The following DCC variants were observed in gnomAD, a reference collection of about 807,000 sequenced individuals.
DCC encodes netrin receptor DCC.
In DCC, 58 loss-of-function variants were observed where a neutral mutation model predicts 172.5. The ratio of observed to expected loss-of-function variants is 0.34; its 90% CI spans 0.27 to 0.42. The LOEUF is 0.42. Among genes scored for constraint, DCC ranks in the 10% least tolerant of loss-of-function variants. The pLI is 1.00. For synonymous variants in DCC, 709 were observed against 644.5 expected, an observed-to-expected ratio of 1.10 and a Z score of -1.52; for missense variants, 1,740 against 1,791.0, an observed-to-expected ratio of 0.97 and a Z score of 0.51.
intron 1 of DCC, among the ~76,000 whole-genome samples, chr18:52,694,586 C>T (rs1167139069): frequency 6.6e-6 from 1 of 150,730 alleles, no homozygotes; most frequent in Non-Finnish European, 1.5e-5. Context: ...CTTCTTTTTA[C>T]ATATACTTCT....
At chr18:52,907,851 G>C (rs1028792081) in intron 3 of DCC, among the ~76,000 whole-genome samples, 1 of 152,160 alleles carries the variant, frequency 6.6e-6, no homozygotes, top group African/African-American at 2.4e-5. Context: ...ATGCACACAT[G>C]TAAGTAATTA....
At chr18:53,217,296 CACACAT>C (rs1167222919) in intron 12 of DCC, among the ~76,000 whole-genome samples, 1,491 of 98,470 alleles carry the variant, frequency 0.015, 30 homozygotes, top group African/African-American at 0.091. Context: ...CACACACACA[CACACAT>C]ATGTATATAC....
chr18:52,842,463 T>C (rs1037148453), intron 2 of DCC, among the ~76,000 whole-genome samples: 2 of 152,144 alleles, frequency 1.3e-5, no homozygotes, highest in African/African-American at 4.8e-5. Flanking sequence ...CTTACTTCTT[T>C]TTGTTCTATT....
At chr18:53,219,455 C>T (rs1484905817) in intron 12 of DCC, among the ~76,000 whole-genome samples, 2 of 152,078 alleles carry the variant, frequency 1.3e-5, no homozygotes, top group Admixed American at 1.3e-4. Context: ...TATTAACTCC[C>T]CTTTCCCCCC....
intron 27 of DCC, among the ~76,000 whole-genome samples, chr18:53,523,913 G>C (rs879697811): frequency 1.3e-5 from 2 of 151,812 alleles, no homozygotes; most frequent in Non-Finnish European, 2.9e-5. Flanking sequence ...AAAAAAAGAA[G>C]GGGGAGGCAG....
At chr18:53,487,873 T>C (rs187838585) in intron 26 of DCC, among the ~76,000 whole-genome samples, 1 of 152,216 alleles carries the variant, frequency 6.6e-6, no homozygotes, top group East Asian at 1.9e-4. Flanking sequence ...CCAAACTGCA[T>C]TGAAGGGAAT....
chr18:53,391,553 T>C, intron 16 of DCC, 102 bp from the exon 17 acceptor site: 3 of 766,358 alleles, frequency 3.9e-6, no homozygotes, highest in East Asian at 2.5e-5. Flanking sequence ...ATTATTGCCA[T>C]GCATTTAACT....
chr18:53,205,321 G>A lies in DCC; in HGVS notation c.1679G>A (p.Gly560Asp). 1.1e-5 allele frequency: 17 copies of A among 1,613,880 alleles called. No individual in the cohort carries two copies. Among genetic ancestry groups the A allele is most frequent in the Non-Finnish European group, 1.4e-5 (17 of 1,179,902 alleles). ...GCCTATGCAAACGGTCCAGTCCAAG[G>A]TTACAGATTGTTCTGCACTGAGGTG... Reference protein sequence around the residue: ...PPAYANGPVQGYRLFCTEVST... With the variant: ...PPAYANGPVQDYRLFCTEVST... Residue 560 changes from glycine (G) to aspartate (D), a missense_variant, in exon 10 of 29, where the codon GGT becomes GAT. Coordinates refer to ENST00000442544, the MANE Select transcript of DCC (RefSeq NM_005215.4).
At chr18:53,034,243 CATG>C (rs2042063380) in intron 5 of DCC, among the ~76,000 whole-genome samples, 1 of 151,996 alleles carries the variant, frequency 6.6e-6, no homozygotes, top group African/African-American at 2.4e-5. Flanking sequence ...TCATGTATAA[CATG>C]ATATCTATTC....
chr18:52,343,593 A>C (rs994601849), intron 1 of DCC, among the ~76,000 whole-genome samples: 4 of 152,174 alleles, frequency 2.6e-5, no homozygotes, highest in Admixed American at 6.5e-5. Context: ...TATATATTTG[A>C]CATGAGCCAC....
intron 15 of DCC, among the ~76,000 whole-genome samples, chr18:53,342,235 G>C (rs1198341215): frequency 4.6e-5 from 7 of 151,942 alleles, no homozygotes; most frequent in Admixed American, 4.6e-4. Context: ...AGAACATTTT[G>C]AGTAATATCT....
At chr18:52,961,328 G>T (rs1318739373) in intron 5 of DCC, among the ~76,000 whole-genome samples, 2 of 152,078 alleles carry the variant, frequency 1.3e-5, no homozygotes, top group Non-Finnish European at 1.5e-5. Context: ...ATAGGACATT[G>T]TGCACTAAGA....
intron 7 of DCC, among the ~76,000 whole-genome samples, chr18:53,109,178 AC>A (rs2043294851): frequency 6.7e-6 from 1 of 150,360 alleles, no homozygotes; most frequent in Non-Finnish European, 1.5e-5. Flanking sequence ...ATATTTGTTG[AC>A]CGTTTGGGTG....
chr18:53,347,452 A>G lies in DCC; in HGVS notation c.2359+7545A>G, dbSNP rs571185469. 7.2e-5 allele frequency among the ~76,000 whole-genome samples: 11 copies of G among 152,308 alleles called. No homozygotes were observed. In the South Asian group the frequency reaches 2.3e-3, roughly 32 times the overall value. On this transcript the variant is annotated intron_variant, in intron 15 of 28. Coordinates refer to ENST00000442544, the MANE Select transcript of DCC (RefSeq NM_005215.4). Reference sequence around the variant, plus strand: ...ACCATCAGAGAATAATTGGAAACTCACAGTCCCATTTTAAATATTTTTGGG... The same window carrying G: ...ACCATCAGAGAATAATTGGAAACTCGCAGTCCCATTTTAAATATTTTTGGG...
chr18:53,193,641 T>C (rs1037370097), intron 9 of DCC, among the ~76,000 whole-genome samples: 1 of 152,150 alleles, frequency 6.6e-6, no homozygotes, highest in Non-Finnish European at 1.5e-5. Context: ...ATGTAATAGA[T>C]GGGATTTGCT....
chr18:53,080,493 G>A (rs2042784500), intron 7 of DCC, among the ~76,000 whole-genome samples: 2 of 152,126 alleles, frequency 1.3e-5, no homozygotes, highest in East Asian at 3.8e-4. Flanking sequence ...CTATGATATT[G>A]TAAAAGGTGA....
chr18:52,610,449 G>T (rs2144838638), intron 1 of DCC, among the ~76,000 whole-genome samples: 2 of 145,434 alleles, frequency 1.4e-5, no homozygotes, highest in South Asian at 4.4e-4. Flanking sequence ...AATACCTTTG[G>T]AAATACTATT....
chr18:53,293,133 C>A (rs74795333), intron 12 of DCC, among the ~76,000 whole-genome samples: 1 of 152,158 alleles, frequency 6.6e-6, no homozygotes, highest in Non-Finnish European at 1.5e-5. Flanking sequence ...ATTGATGCTG[C>A]TATATAAATA....
intron 1 of DCC, among the ~76,000 whole-genome samples, chr18:52,362,431 C>A (rs998873486): frequency 1.3e-5 from 2 of 152,156 alleles, no homozygotes; most frequent in Non-Finnish European, 2.9e-5. Context: ...TGGTTGGTGG[C>A]CCAGTTAGAA....
Sources: allele counts gnomAD v4.1 joint callset (sites outside exome capture counted in the v4.1 genomes callset), GRCh38; gene constraint gnomAD v4.1.1; transcripts MANE v1.5; gene names NCBI Gene and HGNC (gene_info 2026-07-23, HGNC 2026-07-21).